DRAXIN: variants seen among roughly 807,000 people sequenced by gnomAD.
DRAXIN encodes the protein dorsal inhibitory axon guidance protein.
A neutral mutation model predicts 33.9 loss-of-function variants in DRAXIN; 27 were observed. The ratio of observed to expected loss-of-function variants is 0.80; its 90% CI spans 0.59 to 1.10. The LOEUF is 1.10. DRAXIN is among the 50% of genes least tolerant of loss of function. DRAXIN has a pLI of 0.00. For missense variants in DRAXIN, 371 were observed against 460.8 expected (o/e 0.81, Z 1.78); for synonymous variants, 178 against 194.0 (o/e 0.92, Z 0.69).
At chr1:11,717,478 A>G (rs1641594182) in intron 6 of DRAXIN, among the ~76,000 whole-genome samples, 1 of 150,132 alleles carries the variant, frequency 6.7e-6, no homozygotes, top group African/African-American at 2.5e-5. Flanking sequence ...CCTGACCAAC[A>G]TGGTGAAATC....
At position 11,719,807 on chromosome 1, in the gene DRAXIN, C is replaced by T; in HGVS notation, c.*111C>T. On this transcript the variant is annotated 3_prime_UTR_variant, in exon 7 of 7. Coordinates refer to ENST00000294485, the MANE Select transcript of DRAXIN (RefSeq NM_198545.4). ...GGGAACAGATGGCTGAGGCTGCAGACTCAGGCCCAGGACACTCAACCCCAG... is the reference window on the plus strand; with the variant it reads ...GGGAACAGATGGCTGAGGCTGCAGATTCAGGCCCAGGACACTCAACCCCAG... The T allele has an allele frequency of 3.9e-6, 4 of 1,026,936 alleles. No homozygotes were observed. The highest frequency in any genetic ancestry group is 5.9e-6 in the Non-Finnish European group (4 of 681,472). 63.6% of individuals were successfully genotyped at this position (1,026,936 alleles called of 1,614,324 possible).
At chr1:11,714,045 T>C (rs1442374331) in intron 5 of DRAXIN, among the ~76,000 whole-genome samples, 1 of 150,584 alleles carries the variant, frequency 6.6e-6, no homozygotes, top group Non-Finnish European at 1.5e-5. Flanking sequence ...AATAAGAAAA[T>C]AAAAAATTAA....
At chr1:11,715,004 C>A in intron 5 of DRAXIN, 115 bp from the exon 6 acceptor site, 1 of 1,277,984 alleles carries the variant, frequency 7.8e-7, no homozygotes. Context: ...GCCCACCCCG[C>A]CAGGGCGCGG....
chr1:11,699,798 G>A (rs1000234007), intron 1 of DRAXIN, among the ~76,000 whole-genome samples: 8 of 151,820 alleles, frequency 5.3e-5, no homozygotes, highest in South Asian at 2.1e-4. Context: ...GTGGTGGTGC[G>A]TGCCTGTAAT....
At chr1:11,686,690 A>T in the DRAXIN span, among the ~76,000 whole-genome samples, 1 of 152,032 alleles carries the variant, frequency 6.6e-6, no homozygotes, top group Non-Finnish European at 1.5e-5. Context: ...GGCTTGAGCC[A>T]CTGCGCCCGG....
At chr1:11,690,654 G>A (rs1570299643), upstream of DRAXIN, among the ~76,000 whole-genome samples, 1 of 152,330 alleles carries the variant, frequency 6.6e-6, no homozygotes, top group South Asian at 2.1e-4. This position sits in a 1 kb window ranked among gnomAD's most constrained non-coding sequence, Gnocchi z 4.2. Flanking sequence ...GCGAGCTCAG[G>A]GCGCCAGGTG....
chr1:11,693,289 CA>C (rs1641130559), intron 1 of DRAXIN, among the ~76,000 whole-genome samples: 2 of 152,074 alleles, frequency 1.3e-5, no homozygotes, highest in African/African-American at 4.8e-5. Context: ...TCCGGTGACT[CA>C]CCCCCAATTC....
At chr1:11,702,624 ACACACACATG>A (rs1641311698) in intron 1 of DRAXIN, among the ~76,000 whole-genome samples, 3 of 151,614 alleles carry the variant, frequency 2.0e-5, no homozygotes, top group Admixed American at 2.0e-4. Flanking sequence ...CATAGTACAC[ACACACACATG>A]CTCACACATG....
chr1:11,719,506 G>GT, intron 6 of DRAXIN, 78 bp from the exon 7 acceptor site: 4 of 1,273,926 alleles, frequency 3.1e-6, no homozygotes, highest in Non-Finnish European at 3.3e-6. Flanking sequence ...GAGCTGGCTG[G>GT]CCCCGAGCGT....
chr1:11,697,205 T>C (rs892959793), intron 1 of DRAXIN, among the ~76,000 whole-genome samples: 1 of 152,200 alleles, frequency 6.6e-6, no homozygotes, highest in African/African-American at 2.4e-5. Flanking sequence ...CTTAGTGGGT[T>C]TGGGCTGACA....
In DRAXIN at chr1:11,712,390, G is replaced by A. The variant is rs758315246; in HGVS notation, c.808G>A (p.Glu270Lys). ...SSDGNETSPA[E>K]GEPCDHHQDC... ...TGATGGTAACGAAACATCACCAGCC[G>A]AAGGGGAACCATGCGACCATCACCA... is the stretch of plus-strand genomic sequence containing the variant. Residue 270 changes from glutamate (E) to lysine (K), a missense_variant, in exon 5 of 7, where the codon GAA (glutamate) becomes AAA (lysine). Glu to Lys is a moderately conservative substitution (Grantham distance 56). Coordinates refer to ENST00000294485, the MANE Select transcript of DRAXIN (RefSeq NM_198545.4). The A allele has an allele frequency of 6.8e-6, 11 of 1,613,910 alleles. No individual in the cohort carries two copies. Among genetic ancestry groups the A allele is most frequent in the African/African-American group, 5.3e-5 (4 of 74,896 alleles).
chr1:11,721,711 A>G lies in DRAXIN; in HGVS notation c.*2015A>G, dbSNP rs6665105. 150,466 of 152,380 alleles carry G rather than the reference A, an allele frequency of 0.99. 74,324 individuals carry two copies. Among genetic ancestry groups the G allele is most frequent in the East Asian group, 1 (5,176 of 5,176 alleles). The allele number at this position is 152,380 out of a possible 1,614,324, so 9.4% of individuals were successfully genotyped here. On this transcript the variant is annotated 3_prime_UTR_variant, in exon 7 of 7. Transcript: ENST00000294485. ...AGCTGAAAGGCAGATATGGCTAGAC[A>G]CAATGGCTCATGCCTGTAATCCCAG... is the stretch of plus-strand genomic sequence containing the variant.
At chr1:11,708,072 C>A (rs1235294693) in intron 2 of DRAXIN, among the ~76,000 whole-genome samples, 1 of 152,194 alleles carries the variant, frequency 6.6e-6, no homozygotes, top group Non-Finnish European at 1.5e-5. Context: ...CAGTCAGGGT[C>A]CCCCGGCTTC....
Position 11,692,086 on chromosome 1 carries a change from T to C in DRAXIN, c.-11+233T>C, listed in dbSNP as rs1641081083. Among the ~76,000 whole-genome samples the C allele has an allele frequency of 1.3e-5, 2 of 151,840 alleles. No homozygotes were observed. Among genetic ancestry groups the C allele is most frequent in the Non-Finnish European group, 2.9e-5 (2 of 67,964 alleles). ...ACGGACCCTGGCTCTGCTCCCGGGC[T>C]CCCCATCCGTCCACCTACCGCTGGA... On this transcript the variant is annotated intron_variant, in intron 1 of 6. Coordinates refer to ENST00000294485, the MANE Select transcript of DRAXIN (RefSeq NM_198545.4). This position sits in a 1 kb window ranked among gnomAD's most constrained non-coding sequence, Gnocchi z 5.8.
intron 6 of DRAXIN, among the ~76,000 whole-genome samples, chr1:11,715,962 C>G (rs925365169): frequency 2.0e-5 from 3 of 152,160 alleles, no homozygotes; most frequent in African/African-American, 7.2e-5. Context: ...CTCTGCTTCC[C>G]AGGCTTAGGT....
In DRAXIN at chr1:11,720,407, A is replaced by G. The variant is rs1384287914; in HGVS notation, c.*711A>G. ...CAGGAGTTCGAGACCAGCCTGGCCA[A>G]CATGGGGAAACCCCGTCTCTATTAA... On this transcript the variant is annotated 3_prime_UTR_variant, in exon 7 of 7. Coordinates refer to ENST00000294485, the MANE Select transcript of DRAXIN (RefSeq NM_198545.4). The G allele has an allele frequency of 6.6e-6, 1 of 152,268 alleles. No individual in the cohort carries two copies. The highest frequency in any genetic ancestry group is 2.4e-5 in the African/African-American group (1 of 41,406). 9.4% of individuals were successfully genotyped at this position (152,268 alleles called of 1,614,324 possible). A position where few individuals can be genotyped will look rare whatever the true frequency, so the allele number is the denominator to read the frequency against.
intron 1 of DRAXIN, among the ~76,000 whole-genome samples, chr1:11,701,353 C>G (rs1641271319): frequency 6.6e-6 from 1 of 152,120 alleles, no homozygotes; most frequent in Non-Finnish European, 1.5e-5. Flanking sequence ...TGGCTTACAA[C>G]CCCCTCGCCC....
At chr1:11,710,879 G>GCA in intron 3 of DRAXIN, among the ~76,000 whole-genome samples, 1 of 142,192 alleles carries the variant, frequency 7.0e-6, no homozygotes, top group East Asian at 2.1e-4. Flanking sequence ...CCAAGATCAC[G>GCA]CCACTGCACT....
intron 6 of DRAXIN, among the ~76,000 whole-genome samples, chr1:11,716,862 T>C (rs1641586008): frequency 6.6e-6 from 1 of 152,192 alleles, no homozygotes; most frequent in Non-Finnish European, 1.5e-5. Context: ...CTACTGCGTA[T>C]CAGACATTGC....
Sources: gnomAD v4.1 joint callset for allele counts (sites outside exome capture counted in the v4.1 genomes callset) on GRCh38, gnomAD v4.1.1 for gene constraint, Gnocchi (gnomAD v3.1) non-coding constraint, MANE v1.5 for transcripts, NCBI Gene and HGNC (gene_info 2026-07-23, HGNC 2026-07-21) for gene names.